The following KIAA1958 variants were observed in gnomAD, a reference collection of about 807,000 sequenced individuals.
KIAA1958 encodes KIAA1958, also known as uncharacterized protein KIAA1958.
A neutral mutation model predicts 47.2 loss-of-function variants in KIAA1958; 14 were observed. The ratio of observed to expected loss-of-function variants is 0.30; its 90% CI spans 0.20 to 0.46. The LOEUF is 0.46. Among genes scored for constraint, KIAA1958 ranks in the 20% least tolerant of loss-of-function variants. KIAA1958 has a pLI of 1.00. For synonymous variants in KIAA1958, 354 were observed against 353.3 expected (o/e 1.00, Z -0.02); for missense variants, 803 against 909.2 (o/e 0.88, Z 1.50).
intron 1 of KIAA1958, among the ~76,000 whole-genome samples, chr9:112,548,694 G>A (rs1325411679): frequency 6.6e-6 from 1 of 152,104 alleles, no homozygotes. Flanking sequence ...TTGCTACATA[G>A]TAGTCTTAAT....
At chr9:112,562,828 T>G (rs2131160969) in intron 1 of KIAA1958, among the ~76,000 whole-genome samples, 1 of 151,760 alleles carries the variant, frequency 6.6e-6, no homozygotes, top group South Asian at 2.1e-4. Context: ...TGTCAGGATT[T>G]TTTTTTTTTT....
intron 1 of KIAA1958, among the ~76,000 whole-genome samples, chr9:112,517,165 TTATTCCATATATTAA>T: frequency 5.6e-4 from 1 of 1,800 alleles, no homozygotes; most frequent in East Asian, 6.3e-3. Flanking sequence ...ATATTAATTA[TTATTCCATATATTAA>T]TTTAACAGAA....
At chr9:112,510,306 C>T (rs61088485) in intron 1 of KIAA1958, among the ~76,000 whole-genome samples, 18,968 of 152,206 alleles carry the variant, frequency 0.12, 1,698 homozygotes, top group East Asian at 0.23. Flanking sequence ...GCATGAACTG[C>T]TTCCCCACAG....
intron 1 of KIAA1958, among the ~76,000 whole-genome samples, chr9:112,527,704 A>G (rs1834681788): frequency 6.6e-6 from 1 of 152,154 alleles, no homozygotes; most frequent in Admixed American, 6.6e-5. Context: ...TGGGAGACTG[A>G]GGCGGGCAGA....
At chr9:112,543,723 G>A (rs941262440) in intron 1 of KIAA1958, among the ~76,000 whole-genome samples, 4 of 151,824 alleles carry the variant, frequency 2.6e-5, no homozygotes, top group Non-Finnish European at 5.9e-5. Flanking sequence ...ACAGGCATGC[G>A]CCACCATGCC....
chr9:112,637,175 C>T (rs933526660), intron 2 of KIAA1958, among the ~76,000 whole-genome samples: 2 of 152,130 alleles, frequency 1.3e-5, no homozygotes, highest in Non-Finnish European at 2.9e-5. Flanking sequence ...CCCCACAAGA[C>T]GTCACTAGTA....
At chr9:112,602,516 T>C (rs1343718682) in intron 2 of KIAA1958, among the ~76,000 whole-genome samples, 2 of 152,186 alleles carry the variant, frequency 1.3e-5, no homozygotes, top group East Asian at 3.8e-4. Flanking sequence ...ATCTCTTTTT[T>C]AAAAGGAGGT....
At chr9:112,524,923 A>G (rs1409204125) in intron 1 of KIAA1958, among the ~76,000 whole-genome samples, 2 of 152,182 alleles carry the variant, frequency 1.3e-5, no homozygotes, top group African/African-American at 2.4e-5. Flanking sequence ...AAATGATAAT[A>G]TAATTCTGGT....
Position 112,574,900 on chromosome 9 carries a change from T to C in KIAA1958, c.820T>C (p.Ser274Pro). ...CCCACACGGTATGTCTGCATCCCCCTCTGTGATCTCCAGACCAATTGTCCA... is the reference window on the plus strand; with the variant it reads ...CCCACACGGTATGTCTGCATCCCCCCCTGTGATCTCCAGACCAATTGTCCA... ...LDPHGMSASPSVISRPIVQKT... is the reference protein window; with the variant it reads ...LDPHGMSASPPVISRPIVQKT... The change falls in exon 2 of 4, where the codon TCT becomes CCT. Residue 274 changes from serine to proline, a missense_variant. Coordinates refer to ENST00000337530, the MANE Select transcript of KIAA1958 (RefSeq NM_133465.4). 1 of 1,614,074 alleles carries C rather than the reference T, an allele frequency of 6.2e-7. No individual in the cohort carries two copies. The highest frequency in any genetic ancestry group is 8.5e-7 in the Non-Finnish European group (1 of 1,179,992).
At chr9:112,562,875 A>G (rs1448973237) in intron 1 of KIAA1958, among the ~76,000 whole-genome samples, 1 of 148,210 alleles carries the variant, frequency 6.7e-6, no homozygotes, top group Non-Finnish European at 1.5e-5. Context: ...TATGTCATCT[A>G]GGCTGTTCTC....
chr9:112,532,044 C>T (rs902148603), intron 1 of KIAA1958, among the ~76,000 whole-genome samples: 1 of 152,150 alleles, frequency 6.6e-6, no homozygotes, highest in Non-Finnish European at 1.5e-5. Context: ...TCAATAGATA[C>T]CTTGGGGAGC....
chr9:112,503,243 A>C (rs1393013703), intron 1 of KIAA1958, among the ~76,000 whole-genome samples: 1 of 152,230 alleles, frequency 6.6e-6, no homozygotes, highest in Non-Finnish European at 1.5e-5. Flanking sequence ...GTAAGCACTT[A>C]AAATGAATGA....
chr9:112,613,040 A>G (rs1401246515), intron 2 of KIAA1958, among the ~76,000 whole-genome samples: 4 of 152,196 alleles, frequency 2.6e-5, no homozygotes, highest in African/African-American at 9.6e-5. Context: ...CCTCCCCCCC[A>G]TTTTGAAAGG....
intron 1 of KIAA1958, among the ~76,000 whole-genome samples, chr9:112,539,199 T>C (rs1834900381): frequency 6.6e-6 from 1 of 152,256 alleles, no homozygotes; most frequent in Non-Finnish European, 1.5e-5. Context: ...CCTAGGTTTA[T>C]ACCTGAGACT....
chr9:112,600,276 T>G (rs923211852), intron 2 of KIAA1958, among the ~76,000 whole-genome samples: 24 of 152,254 alleles, frequency 1.6e-4, no homozygotes, highest in Non-Finnish European at 3.2e-4. Context: ...CTTGGTAGAT[T>G]CACCTAATGT....
intron 3 of KIAA1958, among the ~76,000 whole-genome samples, chr9:112,648,810 A>T (rs1047098722): frequency 5.5e-4 from 83 of 152,248 alleles, no homozygotes; most frequent in African/African-American, 1.5e-3. Flanking sequence ...AACACAAGAG[A>T]TAAAATTCAC....
rs79931702 is a variant in KIAA1958, at chr9:112,536,793, A to G, written c.-24-37264A>G. Among the ~76,000 whole-genome samples the G allele has an allele frequency of 2.6e-4, 40 of 152,308 alleles. No homozygotes were observed. In the East Asian group the frequency reaches 7.5e-3, roughly 29 times the overall value. On this transcript the variant is annotated intron_variant, in intron 1 of 3. Transcript: ENST00000337530. ...AAGACCCTGTCTCCTGAAACAAAAC[A>G]GAACAAAAAACCCAATCTTGTATCA...
At position 112,668,574 on chromosome 9, in the gene KIAA1958, T is replaced by C. The variant is rs889909724; in HGVS notation, c.*8505T>C. The C allele has an allele frequency of 3.3e-5, 5 of 152,150 alleles. No homozygotes were observed. Among genetic ancestry groups the C allele is most frequent in the Non-Finnish European group, 5.9e-5 (4 of 68,028 alleles). The allele number at this position is 152,150 out of a possible 1,614,324, so 9.4% of individuals were successfully genotyped here. A position where few individuals can be genotyped will look rare whatever the true frequency, so the allele number is the denominator to read the frequency against. ...GGAAGGCCTTGAAAACACACAGGAG[T>C]GTAGAGTATCGTCAGCTCTGATGCT... On this transcript the variant is annotated 3_prime_UTR_variant, in exon 4 of 4. Transcript: ENST00000337530.
At chr9:112,539,280 A>G (rs1834902448) in intron 1 of KIAA1958, among the ~76,000 whole-genome samples, 1 of 152,258 alleles carries the variant, frequency 6.6e-6, no homozygotes. Context: ...AACAGAAGGT[A>G]GAAACAACCC....
Sources: allele counts gnomAD v4.1 joint callset (sites outside exome capture counted in the v4.1 genomes callset), GRCh38; gene constraint gnomAD v4.1.1; transcripts MANE v1.5; gene names NCBI Gene and HGNC (gene_info 2026-07-23, HGNC 2026-07-21).